SLC24A3: variants seen among roughly 807,000 people sequenced by gnomAD.
SLC24A3 encodes solute carrier family 24 member 3.
Under a neutral mutation model 75.8 loss-of-function variants are expected in SLC24A3, and 28 were observed. That is an observed-to-expected ratio of 0.37 (90% confidence interval 0.27 to 0.51). The LOEUF is 0.51. Ranked by LOEUF, SLC24A3 falls within the 20% of genes least tolerant of loss-of-function variation. SLC24A3 has a pLI of 0.94. For missense variants in SLC24A3, 663 were observed against 847.8 expected, an observed-to-expected ratio of 0.78 and a Z score of 2.71; for synonymous variants, 372 against 334.1, an observed-to-expected ratio of 1.11 and a Z score of -1.24.
At chr20:19,378,443 G>T (rs1479430959) in intron 2 of SLC24A3, among the ~76,000 whole-genome samples, 3 of 152,194 alleles carry the variant, frequency 2.0e-5, no homozygotes, top group African/African-American at 7.2e-5. Flanking sequence ...TAAGCTAACT[G>T]ATTTTGATAA....
chr20:19,240,472 TC>T (rs1431960820), intron 1 of SLC24A3, among the ~76,000 whole-genome samples: 2 of 152,196 alleles, frequency 1.3e-5, no homozygotes, highest in Admixed American at 6.5e-5. Context: ...AAAACTCTCT[TC>T]AGAGTGGACA....
At chr20:19,387,234 T>C (rs1986287141) in intron 2 of SLC24A3, among the ~76,000 whole-genome samples, 1 of 152,052 alleles carries the variant, frequency 6.6e-6, no homozygotes, top group African/African-American at 2.4e-5. Flanking sequence ...ATCTTCTTTC[T>C]TTTTTCTTTA....
chr20:19,542,160 T>C (rs2030510394), intron 3 of SLC24A3, among the ~76,000 whole-genome samples: 1 of 152,158 alleles, frequency 6.6e-6, no homozygotes, highest in South Asian at 2.1e-4. Context: ...CTTAAGTTGA[T>C]GTGAAATGTT....
At chr20:19,370,550 G>T (rs538457721) in intron 2 of SLC24A3, among the ~76,000 whole-genome samples, 2 of 152,358 alleles carry the variant, frequency 1.3e-5, no homozygotes, top group East Asian at 3.9e-4. Context: ...GTGGATTGGA[G>T]TATCCATTTA....
chr20:19,616,055 C>T (rs970007852), intron 6 of SLC24A3, among the ~76,000 whole-genome samples: 3 of 152,224 alleles, frequency 2.0e-5, no homozygotes, highest in African/African-American at 7.2e-5. Context: ...AGACCCCTAA[C>T]TAATACAATG....
chr20:19,511,736 T>C (rs2122553959), intron 2 of SLC24A3, among the ~76,000 whole-genome samples: 1 of 152,336 alleles, frequency 6.6e-6, no homozygotes, highest in East Asian at 1.9e-4. Context: ...TTGCAAGCTG[T>C]GCATGAGTCC....
intron 2 of SLC24A3, among the ~76,000 whole-genome samples, chr20:19,350,292 A>G (rs1283520516): frequency 2.0e-5 from 3 of 152,220 alleles, no homozygotes; most frequent in African/African-American, 7.2e-5. Context: ...ACCTTGAAAA[A>G]TTACTTTTAC....
chr20:19,323,497 T>C (rs903665885), intron 2 of SLC24A3, among the ~76,000 whole-genome samples: 1 of 152,150 alleles, frequency 6.6e-6, no homozygotes, highest in Admixed American at 6.5e-5. Flanking sequence ...AATATAAGGG[T>C]ACCTCAAGAA....
intron 1 of SLC24A3, among the ~76,000 whole-genome samples, chr20:19,268,397 G>A (rs775821831): frequency 6.6e-6 from 1 of 152,088 alleles, no homozygotes; most frequent in Non-Finnish European, 1.5e-5. Context: ...TCCTCCAGTA[G>A]CACACAATTC....
At chr20:19,454,541 G>A (rs1356550251) in intron 2 of SLC24A3, among the ~76,000 whole-genome samples, 3 of 152,148 alleles carry the variant, frequency 2.0e-5, no homozygotes, top group Admixed American at 1.3e-4. Flanking sequence ...GGCTTGGGGG[G>A]ACTCTCTATA....
chr20:19,412,372 C>G (rs1281465941), intron 2 of SLC24A3, among the ~76,000 whole-genome samples: 1 of 151,792 alleles, frequency 6.6e-6, no homozygotes, highest in Non-Finnish European at 1.5e-5. Flanking sequence ...TTCAGGTTCC[C>G]CTGTGAGCGA....
At chr20:19,630,903 G>T (rs1421034047) in intron 6 of SLC24A3, among the ~76,000 whole-genome samples, 1 of 152,166 alleles carries the variant, frequency 6.6e-6, no homozygotes, top group East Asian at 1.9e-4. Flanking sequence ...TTAGATGCTG[G>T]CCCTTGAACT....
rs138620852 is a variant in SLC24A3, at chr20:19,471,663, G to C, written c.272-43825G>C. Among the ~76,000 whole-genome samples, 3 of 49,772 alleles carry C rather than the reference G, an allele frequency of 6.0e-5. No individual in the cohort carries two copies. The South Asian group carries it at 2.2e-3, about 36-fold the overall frequency. 32.7% of individuals were successfully genotyped at this position (49,772 alleles called of 152,430 possible). ...TGGCCCTCAGAAGCTGGTTCAGGAT[G>C]GCTTAGCCCATCACTCTGTCGGGGA... On this transcript the variant is annotated intron_variant, in intron 2 of 16. Coordinates refer to ENST00000328041, the MANE Select transcript of SLC24A3 (RefSeq NM_020689.4).
intron 2 of SLC24A3, among the ~76,000 whole-genome samples, chr20:19,502,755 G>A (rs139972811): frequency 1.1e-4 from 17 of 151,408 alleles, no homozygotes; most frequent in African/African-American, 3.4e-4. Context: ...AGAAGACCGG[G>A]TGCAGTGGCT....
At chr20:19,557,732 C>A (rs1310159504) in intron 3 of SLC24A3, among the ~76,000 whole-genome samples, 2 of 152,182 alleles carry the variant, frequency 1.3e-5, no homozygotes, top group Admixed American at 6.5e-5. Flanking sequence ...GAATCTTGGG[C>A]AAATATGTCC....
At chr20:19,630,559 G>C (rs1414690025) in intron 6 of SLC24A3, among the ~76,000 whole-genome samples, 1 of 152,204 alleles carries the variant, frequency 6.6e-6, no homozygotes, top group Non-Finnish European at 1.5e-5. Flanking sequence ...TCTAGTTCTA[G>C]AATGGAATCC....
At chr20:19,262,727 G>A (rs1983032888) in intron 1 of SLC24A3, among the ~76,000 whole-genome samples, 1 of 152,160 alleles carries the variant, frequency 6.6e-6, no homozygotes, top group African/African-American at 2.4e-5. Flanking sequence ...AAGACAATGT[G>A]TGTGGTATCT....
chr20:19,306,908 C>T (rs930645337), intron 2 of SLC24A3, among the ~76,000 whole-genome samples: 7 of 152,148 alleles, frequency 4.6e-5, no homozygotes, highest in Non-Finnish European at 1.0e-4. Context: ...AAACCTCTCA[C>T]GTGACACTGC....
chr20:19,663,443 ATCCTCCTCCACTT>A (rs2032359683), intron 7 of SLC24A3, among the ~76,000 whole-genome samples: 13 of 13,730 alleles, frequency 9.5e-4, no homozygotes, highest in East Asian at 3.1e-3. Flanking sequence ...CCGCCTTCTC[ATCCTCCTCCACTT>A]CCTCCTCCTC....
Sources: gnomAD v4.1 joint callset for allele counts (sites outside exome capture counted in the v4.1 genomes callset) on GRCh38, gnomAD v4.1.1 for gene constraint, MANE v1.5 for transcripts, NCBI Gene and HGNC (gene_info 2026-07-23, HGNC 2026-07-21) for gene names.